The following BAZ2B variants were observed in gnomAD, a reference collection of about 807,000 sequenced individuals.
BAZ2B encodes bromodomain adjacent to zinc finger domain 2B.
In BAZ2B, 91 loss-of-function variants were observed where a neutral mutation model predicts 246.0. The observed-to-expected ratio is 0.37, with a 90% CI of 0.31 to 0.44. BAZ2B has a LOEUF of 0.44. BAZ2B is among the 20% of genes least tolerant of loss of function. The probability of loss-of-function intolerance (pLI) is 1.00; values close to 1 mark genes in which losing one functional copy is unlikely to be tolerated. For missense variants in BAZ2B, 2,332 were observed against 2,533.7 expected (o/e 0.92, Z 1.71); for synonymous variants, 855 against 860.0 (o/e 0.99, Z 0.10).
chr2:159,502,332 TAAA>T (rs35264021), intron 2 of BAZ2B, among the ~76,000 whole-genome samples: 2 of 149,848 alleles, frequency 1.3e-5, no homozygotes, highest in Non-Finnish European at 1.5e-5. Flanking sequence ...ATAAAGCTGT[TAAA>T]AAAAAAAAGG....
intron 3 of BAZ2B, chr2:159,459,263 T>C (rs2076142393): frequency 6.6e-6 from 1 of 152,234 alleles, no homozygotes; most frequent in Non-Finnish European, 1.5e-5. Context: ...CAAAGCAAAC[T>C]GTTATCAGTT....
At chr2:159,398,987 A>T in intron 17 of BAZ2B, 93 bp from the exon 18 acceptor site, 1 of 1,216,802 alleles carries the variant, frequency 8.2e-7, no homozygotes, top group Non-Finnish European at 1.2e-6. Flanking sequence ...ATGTCTCACA[A>T]GGTACGAAAC....
At chr2:159,459,171 C>A (rs2076131075) in intron 3 of BAZ2B, 1 of 152,146 alleles carries the variant, frequency 6.6e-6, no homozygotes, top group Non-Finnish European at 1.5e-5. Flanking sequence ...AGATTATTGG[C>A]AATTTGTCCT....
At chr2:159,598,849 CA>C (rs2151747854) in intron 1 of BAZ2B, among the ~76,000 whole-genome samples, 2 of 152,044 alleles carry the variant, frequency 1.3e-5, no homozygotes, top group South Asian at 4.2e-4. Flanking sequence ...GACTCTGTCA[CA>C]AAAATAAGTA....
intron 2 of BAZ2B, among the ~76,000 whole-genome samples, chr2:159,499,281 A>ATT (rs1207738391): frequency 6.6e-6 from 1 of 152,032 alleles, no homozygotes; most frequent in Non-Finnish European, 1.5e-5. Context: ...GCCATGTTTG[A>ATT]TTTTCTGTTC....
chr2:159,481,117 AGAAT>A (rs1485851316), intron 2 of BAZ2B, among the ~76,000 whole-genome samples: 1 of 152,052 alleles, frequency 6.6e-6, no homozygotes, highest in African/African-American at 2.4e-5. Flanking sequence ...TTTGCACTCT[AGAAT>A]GAAGATTGTC....
chr2:159,681,464 AG>A, the BAZ2B span, among the ~76,000 whole-genome samples: 14 of 152,100 alleles, frequency 9.2e-5, no homozygotes, highest in African/African-American at 3.1e-4. Context: ...AAAAGGAAAA[AG>A]AAACAAATCA....
intron 1 of BAZ2B, among the ~76,000 whole-genome samples, chr2:159,564,281 G>A (rs893879811): frequency 3.9e-5 from 6 of 152,074 alleles, no homozygotes; most frequent in Non-Finnish European, 7.4e-5. Context: ...TAAGATAGGG[G>A]GTAGGAGAGC....
downstream of BAZ2B, among the ~76,000 whole-genome samples, chr2:159,316,450 C>T (rs531462631): frequency 2.2e-3 from 341 of 151,668 alleles, no homozygotes; most frequent in Non-Finnish European, 3.8e-3. Flanking sequence ...CCCAGCACTT[C>T]GGGAGGCCGT....
At chr2:159,324,607 T>C (rs1482886600) in intron 36 of BAZ2B, among the ~76,000 whole-genome samples, 3 of 149,548 alleles carry the variant, frequency 2.0e-5, no homozygotes, top group Non-Finnish European at 4.4e-5. Flanking sequence ...TCTTCTATAC[T>C]ATTCTACTCT....
rs147334374 is a variant in BAZ2B, at chr2:159,350,158, C to T, written c.4413G>A (p.Lys1471=). ...QKPGSFSKLS[K]LLEVAKMPPE... is the part of the protein sequence containing the mutation. ...GAGGCATCTTAGCTACTTCCAAAAG[C>T]TTGCTTAATTTGGAAAAAGAGCCAG... Residue 1471 remains lysine, a synonymous_variant, in exon 28 of 37, where the codon AAG becomes AAA. Transcript: ENST00000392783. The T allele has an allele frequency of 1.2e-3, 1,895 of 1,614,010 alleles. 21 individuals are homozygous for T. In the African/African-American group the frequency reaches 0.021, roughly 18 times the overall value.
intron 1 of BAZ2B, among the ~76,000 whole-genome samples, chr2:159,590,878 G>A (rs888282626): frequency 5.9e-5 from 9 of 151,974 alleles, no homozygotes; most frequent in African/African-American, 2.2e-4. Flanking sequence ...ACTTTTAAAA[G>A]GCTTCTAACT....
intron 1 of BAZ2B, among the ~76,000 whole-genome samples, chr2:159,576,430 T>G (rs1685306147): frequency 6.8e-6 from 1 of 147,114 alleles, no homozygotes; most frequent in Admixed American, 6.9e-5. Flanking sequence ...AAGAAAGAAA[T>G]AAAGCTGACC....
At chr2:159,680,842 G>T in the BAZ2B span, among the ~76,000 whole-genome samples, 1 of 152,176 alleles carries the variant, frequency 6.6e-6, no homozygotes, top group Non-Finnish European at 1.5e-5. Context: ...GTTCTGTGGA[G>T]TTATATTGGC....
chr2:159,487,421 A>G (rs2079961770), intron 2 of BAZ2B, among the ~76,000 whole-genome samples: 1 of 152,098 alleles, frequency 6.6e-6, no homozygotes, highest in Non-Finnish European at 1.5e-5. Flanking sequence ...ATCAGTTCTC[A>G]CTCCAGTTCT....
intron 1 of BAZ2B, among the ~76,000 whole-genome samples, chr2:159,586,716 T>A (rs1485749841): frequency 6.6e-6 from 1 of 152,014 alleles, no homozygotes; most frequent in African/African-American, 2.4e-5. Flanking sequence ...TTAAAAATAA[T>A]ATAAAACATT....
intron 27 of BAZ2B, among the ~76,000 whole-genome samples, chr2:159,353,872 T>C (rs2058812429): frequency 6.6e-6 from 1 of 152,198 alleles, no homozygotes; most frequent in Non-Finnish European, 1.5e-5. Context: ...GATCGAACTT[T>C]TCCAAGGATG....
chr2:159,707,361 C>A, the BAZ2B span, among the ~76,000 whole-genome samples: 409 of 151,414 alleles, frequency 2.7e-3, 8 homozygotes, highest in East Asian at 5.8e-4. Flanking sequence ...CCACCCTGAG[C>A]AACATACTGA....
At chr2:159,464,251 A>T (rs1577341798) in intron 3 of BAZ2B, 1 of 152,170 alleles carries the variant, frequency 6.6e-6, no homozygotes, top group East Asian at 1.9e-4. Flanking sequence ...CCAATCCAGG[A>T]TCTCATATTA....
Sources: gnomAD v4.1 joint callset for allele counts (sites outside exome capture counted in the v4.1 genomes callset) on GRCh38, gnomAD v4.1.1 for gene constraint, MANE v1.5 for transcripts, NCBI Gene and HGNC (gene_info 2026-07-23, HGNC 2026-07-21) for gene names.